ANKRD44: variants seen among roughly 807,000 people sequenced by gnomAD.
ANKRD44 encodes ankyrin repeat domain 44.
Under a neutral mutation model 116.0 loss-of-function variants are expected in ANKRD44, and 35 were observed. The observed-to-expected ratio is 0.30, with a 90% CI of 0.23 to 0.40. The LOEUF (loss-of-function observed/expected upper bound fraction) is 0.40, where lower values mean the gene tolerates loss of function less well. Among genes scored for constraint, ANKRD44 ranks in the 10% least tolerant of loss-of-function variants. The probability of loss-of-function intolerance (pLI) is 1.00; values close to 1 mark genes in which losing one functional copy is unlikely to be tolerated. For missense variants in ANKRD44, 1,014 were observed against 1,242.6 expected (o/e 0.82, Z 2.77); for synonymous variants, 435 against 461.8 (o/e 0.94, Z 0.74).
At chr2:197,233,026 G>A (rs1459224224) in intron 1 of ANKRD44, among the ~76,000 whole-genome samples, 1 of 152,240 alleles carries the variant, frequency 6.6e-6, no homozygotes, top group East Asian at 1.9e-4. Context: ...AATAAAACTG[G>A]TAACTGTACA....
chr2:197,099,611 G>A, intron 10 of ANKRD44: 2 of 1,276,524 alleles, frequency 1.6e-6, no homozygotes, highest in Non-Finnish European at 2.0e-6. Flanking sequence ...ACCTCATTTG[G>A]ATGAAGCTAA....
chr2:197,038,820 C>T (rs1014651118), intron 16 of ANKRD44, among the ~76,000 whole-genome samples: 4 of 152,082 alleles, frequency 2.6e-5, no homozygotes, highest in African/African-American at 9.7e-5. Flanking sequence ...GATAAGGCAT[C>T]GTGGTTGCTA....
At chr2:197,172,819 G>A (rs1167600081) in intron 2 of ANKRD44, among the ~76,000 whole-genome samples, 1 of 152,056 alleles carries the variant, frequency 6.6e-6, no homozygotes, top group African/African-American at 2.4e-5. Context: ...GCCCACCTTG[G>A]CCTCCCAAAC....
chr2:197,111,086 G>C (rs954170181), intron 8 of ANKRD44, among the ~76,000 whole-genome samples: 9 of 152,002 alleles, frequency 5.9e-5, no homozygotes, highest in Non-Finnish European at 1.2e-4. Context: ...ACAATTACAA[G>C]AGGCAAAGAT....
intron 1 of ANKRD44, among the ~76,000 whole-genome samples, chr2:197,288,019 CA>C (rs10666895): frequency 0.05 from 4,123 of 81,690 alleles, 134 homozygotes; most frequent in African/African-American, 0.19. Context: ...GACTCAGTCT[CA>C]AAAAAAAAAA....
At chr2:197,137,280 T>A (rs1326449808) in intron 3 of ANKRD44, among the ~76,000 whole-genome samples, 1 of 152,212 alleles carries the variant, frequency 6.6e-6, no homozygotes, top group African/African-American at 2.4e-5. Context: ...AATATGTGTA[T>A]CTTTGTAGAA....
At chr2:196,975,521 C>T (rs553697448) in intron 21 of ANKRD44, among the ~76,000 whole-genome samples, 29 of 151,960 alleles carry the variant, frequency 1.9e-4, no homozygotes, top group Admixed American at 7.9e-4. Flanking sequence ...CGGTGGCTCA[C>T]GCCTGTGATC....
intron 21 of ANKRD44, among the ~76,000 whole-genome samples, chr2:196,970,795 G>T (rs2075709781): frequency 6.6e-6 from 1 of 152,092 alleles, no homozygotes; most frequent in Non-Finnish European, 1.5e-5. Flanking sequence ...TCTACCTCCT[G>T]GTCTCAAGTG....
intron 1 of ANKRD44, among the ~76,000 whole-genome samples, chr2:197,274,575 G>T (rs750194792): frequency 1.3e-5 from 2 of 152,172 alleles, no homozygotes; most frequent in African/African-American, 2.4e-5. Context: ...TCACTCCAGG[G>T]CTTCCTGCCA....
At chr2:196,995,328 A>G in intron 26 of ANKRD44, 51 bp downstream of exon 26, 1 of 1,364,894 alleles carries the variant, frequency 7.3e-7, no homozygotes, top group South Asian at 1.2e-5. Flanking sequence ...TACTTATTGA[A>G]TAAATGACTA....
At chr2:197,243,968 T>C (rs1401738931) in intron 1 of ANKRD44, among the ~76,000 whole-genome samples, 2 of 152,208 alleles carry the variant, frequency 1.3e-5, no homozygotes, top group African/African-American at 4.8e-5. Context: ...AGAAATCGTA[T>C]AGTATTATGA....
intron 2 of ANKRD44, among the ~76,000 whole-genome samples, chr2:197,165,511 G>A (rs1293137721): frequency 6.6e-6 from 1 of 152,220 alleles, no homozygotes; most frequent in Non-Finnish European, 1.5e-5. Flanking sequence ...CAGGTTACCT[G>A]TGATCAAGTA....
intron 2 of ANKRD44, among the ~76,000 whole-genome samples, chr2:197,172,603 G>T (rs893359792): frequency 1.3e-5 from 2 of 152,068 alleles, no homozygotes; most frequent in Non-Finnish European, 2.9e-5. Flanking sequence ...GTTTGTTTGA[G>T]ACAGAATCTC....
intron 11 of ANKRD44, among the ~76,000 whole-genome samples, chr2:197,089,257 G>A (rs1365214022): frequency 3.3e-5 from 5 of 152,096 alleles, no homozygotes; most frequent in Non-Finnish European, 7.4e-5. Context: ...AGCAGAATCA[G>A]CCATAGGTAA....
intron 9 of ANKRD44, among the ~76,000 whole-genome samples, chr2:197,103,472 AC>A (rs974855931): frequency 6.6e-5 from 10 of 152,068 alleles, no homozygotes; most frequent in African/African-American, 2.4e-4. Context: ...ATTCAAGAAA[AC>A]AGCCTGAACA....
intron 4 of ANKRD44, among the ~76,000 whole-genome samples, chr2:197,133,628 C>A (rs1382667399): frequency 6.6e-6 from 1 of 152,190 alleles, no homozygotes; most frequent in East Asian, 1.9e-4. Context: ...GCTTACCAAT[C>A]TAAAGAACAG....
chr2:197,175,940 A>G (rs2080354672), intron 2 of ANKRD44, among the ~76,000 whole-genome samples: 1 of 151,190 alleles, frequency 6.6e-6, no homozygotes, highest in Non-Finnish European at 1.5e-5. Flanking sequence ...AGGTTCCTAA[A>G]AGTACATCAC....
At chr2:197,143,525 T>C (rs1200687202) in intron 3 of ANKRD44, among the ~76,000 whole-genome samples, 1 of 152,086 alleles carries the variant, frequency 6.6e-6, no homozygotes, top group East Asian at 1.9e-4. Flanking sequence ...ACAAAGGACA[T>C]GAACACGTCA....
chr2:197,227,771 T>G (rs2081754630), intron 1 of ANKRD44, among the ~76,000 whole-genome samples: 1 of 152,206 alleles, frequency 6.6e-6, no homozygotes, highest in African/African-American at 2.4e-5. Context: ...AAAGTCCATG[T>G]CTCTGGGCTT....
Sources: gnomAD v4.1 joint callset for allele counts (sites outside exome capture counted in the v4.1 genomes callset) on GRCh38, gnomAD v4.1.1 for gene constraint, MANE v1.5 for transcripts, NCBI Gene and HGNC (gene_info 2026-07-23, HGNC 2026-07-21) for gene names.